Variants in BRCC3 observed in about 807,000 individuals in gnomAD.
The protein encoded by BRCC3 is lys-63-specific deubiquitinase BRCC36.
BRCC3 carries 15 observed loss-of-function variants against 28.0 expected under a neutral mutation model. That is an observed-to-expected ratio of 0.54 (90% CI 0.36 to 0.82). The LOEUF is 0.82. BRCC3 is among the 40% of genes least tolerant of loss of function. The pLI, the probability that BRCC3 is intolerant of heterozygous loss-of-function variation, is 0.01. For synonymous variants in BRCC3, 66 were observed against 80.3 expected (o/e 0.82, Z 0.95); for missense variants, 109 against 225.9 (o/e 0.48, Z 3.32).
intron 7 of BRCC3, among the ~76,000 whole-genome samples, chrX:155,095,032 A>G (rs1426575721): frequency 1.8e-5 from 2 of 112,007 alleles, no homozygotes; most frequent in Admixed American, 1.9e-4. Context: ...CAGATTTTAG[A>G]TTTTTTAAGA....
rs1224588194 is a variant in BRCC3, at chrX:155,075,316, ACACTAAATGTGGC to A, written c.196-1849_196-1837del. Among the ~76,000 whole-genome samples, 30 of 52,485 alleles carry A rather than the reference ACACTAAATGTGGC, an allele frequency of 5.7e-4. No individual in the cohort carries two copies. In the African/African-American group the frequency reaches 0.013, roughly 23 times the overall value. The allele number at this position is 52,485 out of a possible 115,157, so 45.6% of individuals were successfully genotyped here. A position where few individuals can be genotyped will look rare whatever the true frequency, so the allele number is the denominator to read the frequency against. Reference sequence around the variant, plus strand: ...CCCCTGGCCCTTCTTGTTCTTCCCCACACTAAATGTGGCCACTCCCCTTGATTCAGGCCAAGAC... The same window carrying A: ...CCCCTGGCCCTTCTTGTTCTTCCCCACACTCCCCTTGATTCAGGCCAAGAC... On this transcript the variant is annotated intron_variant, in intron 3 of 10. Coordinates refer to ENST00000330045, the MANE Select transcript of BRCC3 (RefSeq NM_001018055.3).
chrX:155,089,477 G>C (rs187367919), intron 6 of BRCC3, 126 bp downstream of exon 6: 2 of 421,186 alleles, frequency 4.7e-6, no homozygotes, highest in African/African-American at 5.1e-5. Flanking sequence ...TCAAGGAAAA[G>C]GGTCATTGAG....
chrX:155,095,324 G>C (rs1211319483), intron 7 of BRCC3, among the ~76,000 whole-genome samples: 2 of 111,423 alleles, frequency 1.8e-5, no homozygotes, highest in African/African-American at 6.5e-5. Context: ...TTTTGTGATG[G>C]AGTTTTGTTC....
At chrX:155,088,456 C>T (rs916489127) in intron 5 of BRCC3, among the ~76,000 whole-genome samples, 1 of 107,373 alleles carries the variant, frequency 9.3e-6, no homozygotes, top group Non-Finnish European at 1.9e-5. Context: ...CAGGTTCAAG[C>T]GATTCTCCAG....
Position 155,071,543 on chromosome X carries a change from G to C in BRCC3, c.16G>C (p.Val6Leu). Reference sequence around the variant, plus strand: ...TCGGGCCAAGATGGCGGTGCAGGTGGTGCAGGCGGTGCAGGCGGTTCATCT... The same window carrying C: ...TCGGGCCAAGATGGCGGTGCAGGTGCTGCAGGCGGTGCAGGCGGTTCATCT... The part of the protein sequence containing the change: MAVQV[V>L]QAVQAVHLES... Residue 6 changes from valine (V) to leucine (L), a missense_variant, in exon 1 of 11, where the codon GTG becomes CTG. Physicochemically the swap from Val to Leu is conservative, Grantham distance 32. Transcript: ENST00000330045. 2 of 1,195,725 alleles carry C rather than the reference G, an allele frequency of 1.7e-6. No individual in the cohort carries two copies. Among genetic ancestry groups the C allele is most frequent in the Non-Finnish European group, 2.3e-6 (2 of 884,420 alleles).
At position 155,088,595 on chromosome X, in the gene BRCC3, C is replaced by T. The variant is rs182386863; in HGVS notation, c.404-668C>T. On this transcript the variant is annotated intron_variant, in intron 5 of 10. Transcript: ENST00000330045. ...CTCAAACTCCCGACCTGAGGTGATC[C>T]GCCTGCCTCAGCCTCCCAAAGTGCT... Among the ~76,000 whole-genome samples the T allele has an allele frequency of 2.7e-3, 297 of 111,194 alleles. 1 individual carries two copies. Among genetic ancestry groups the T allele is most frequent in the African/African-American group, 9.6e-3 (293 of 30,598 alleles).
chrX:155,071,801 C>T, intron 1 of BRCC3, 151 bp downstream of exon 1: 1 of 691,124 alleles, frequency 1.4e-6, no homozygotes, highest in Non-Finnish European at 2.1e-6. Context: ...TCGCGGGGAG[C>T]CCCGTTTCTT....
chrX:155,075,736 G>T (rs2074035053), intron 3 of BRCC3, among the ~76,000 whole-genome samples: 1 of 112,272 alleles, frequency 8.9e-6, no homozygotes, highest in Non-Finnish European at 1.9e-5. Flanking sequence ...GTTACTTCAT[G>T]TACAGTTTAT....
chrX:155,105,683 T>TG (rs1397768377), intron 7 of BRCC3, among the ~76,000 whole-genome samples: 1 of 111,873 alleles, frequency 8.9e-6, no homozygotes, highest in Non-Finnish European at 1.9e-5. Context: ...TTCTCAGTGT[T>TG]TCCCTGACTA....
At chrX:155,091,104 TCCTAA>T (rs1220147371) in intron 7 of BRCC3, among the ~76,000 whole-genome samples, 1 of 111,626 alleles carries the variant, frequency 9.0e-6, no homozygotes, top group African/African-American at 3.3e-5. Context: ...TGTACACTTA[TCCTAA>T]CTGAGCTGCT....
chrX:155,087,518 C>A (rs2074141034), intron 5 of BRCC3, among the ~76,000 whole-genome samples: 1 of 111,723 alleles, frequency 9.0e-6, no homozygotes, highest in African/African-American at 3.3e-5. Flanking sequence ...AGTTCTGGGA[C>A]TAGAGTTTGT....
At chrX:155,119,609 T>G (rs1337329592) in intron 9 of BRCC3, among the ~76,000 whole-genome samples, 1 of 112,320 alleles carries the variant, frequency 8.9e-6, no homozygotes, top group Non-Finnish European at 1.9e-5. Context: ...AAACGTAAGT[T>G]GCAGAAGGCA....
intron 4 of BRCC3, among the ~76,000 whole-genome samples, chrX:155,077,525 C>T (rs1027009186): frequency 4.1e-4 from 46 of 111,755 alleles, no homozygotes; most frequent in African/African-American, 1.4e-3. Flanking sequence ...TCAAACACTG[C>T]GACAATGAAC....
chrX:155,080,508 C>A (rs2074077700), intron 5 of BRCC3, among the ~76,000 whole-genome samples: 1 of 109,845 alleles, frequency 9.1e-6, no homozygotes, highest in Non-Finnish European at 1.9e-5. Context: ...TGAAAAAAAT[C>A]AACTCTAAAT....
intron 7 of BRCC3, among the ~76,000 whole-genome samples, chrX:155,114,582 A>C (rs1233932172): frequency 3.6e-5 from 4 of 110,324 alleles, no homozygotes; most frequent in Non-Finnish European, 7.6e-5. Context: ...TTTTAACCAC[A>C]ATTAAAAAAA....
chrX:155,084,521 C>G (rs1557294543), intron 5 of BRCC3, among the ~76,000 whole-genome samples: 1 of 111,796 alleles, frequency 8.9e-6, no homozygotes, highest in African/African-American at 3.3e-5. Context: ...CGCCACCACA[C>G]CCGGCTAATT....
At chrX:155,090,944 C>G (rs782219755) in intron 7 of BRCC3, 105 bp downstream of exon 7, 11 of 591,680 alleles carry the variant, frequency 1.9e-5, no homozygotes, top group Non-Finnish European at 2.7e-5. Flanking sequence ...GACACTAAGA[C>G]ACTGCATTTT....
At chrX:155,073,552 C>G in intron 3 of BRCC3, 121 bp downstream of exon 3, 4 of 838,894 alleles carry the variant, frequency 4.8e-6, no homozygotes, top group Non-Finnish European at 6.7e-6. Context: ...CTAGTAAAAT[C>G]AGATGAAGAA....
intron 7 of BRCC3, among the ~76,000 whole-genome samples, chrX:155,092,562 T>C (rs1394364260): frequency 9.0e-6 from 1 of 111,658 alleles, no homozygotes; most frequent in Non-Finnish European, 1.9e-5. Flanking sequence ...AGCTTTTTGT[T>C]TTTTACATGG....
Sources: gnomAD v4.1 joint callset for allele counts (sites outside exome capture counted in the v4.1 genomes callset) on GRCh38, gnomAD v4.1.1 for gene constraint, MANE v1.5 for transcripts, NCBI Gene and HGNC (gene_info 2026-07-23, HGNC 2026-07-21) for gene names.